Variants in PCDHA3 observed in about 807,000 individuals in gnomAD.
The protein encoded by PCDHA3 is protocadherin alpha 3, also known as protocadherin alpha-3.
In PCDHA3, 41 loss-of-function variants were observed where a neutral mutation model predicts 62.2. That is an observed-to-expected ratio of 0.66 (90% CI 0.51 to 0.86). PCDHA3 has a LOEUF of 0.86. Ranked by LOEUF, PCDHA3 falls within the 40% of genes least tolerant of loss-of-function variation. PCDHA3 has a pLI of 0.00. For synonymous variants in PCDHA3, 640 were observed against 555.4 expected (o/e 1.15, Z -2.14); for missense variants, 1,304 against 1,241.2 (o/e 1.05, Z -0.76).
At chr5:140,897,803 C>A (rs1285512803) in intron 1 of PCDHA3, among the ~76,000 whole-genome samples, 2 of 152,130 alleles carry the variant, frequency 1.3e-5, no homozygotes, top group Non-Finnish European at 2.9e-5. Flanking sequence ...AGAGTCCCAC[C>A]AACAGTGTAA....
chr5:140,850,629 G>C, intron 1 of PCDHA3: 1 of 1,598,736 alleles, frequency 6.3e-7, no homozygotes, highest in South Asian at 1.1e-5. Flanking sequence ...TAGCCTGTTG[G>C]TTCTCACGCT....
chr5:140,870,590 G>T, intron 1 of PCDHA3: 2 of 1,613,564 alleles, frequency 1.2e-6, no homozygotes, highest in Non-Finnish European at 1.7e-6. Flanking sequence ...CTGGTGGAGC[G>T]GCGGTTGGGC....
Position 140,965,232 on chromosome 5 carries a change from G to T in PCDHA3, c.2395-13717G>T, listed in dbSNP as rs192008157. ...TCCTGTGGAAGAAATGTGAGAACCT[G>T]GGAAGAGTGAATATTCAGAACTGAG... On this transcript the variant is annotated intron_variant, in intron 1 of 3. Coordinates refer to ENST00000522353, the MANE Select transcript of PCDHA3 (RefSeq NM_018906.3). Among the ~76,000 whole-genome samples, 4 of 152,312 alleles carry T rather than the reference G, an allele frequency of 2.6e-5. No individual in the cohort carries two copies. In the East Asian group the frequency reaches 7.7e-4, roughly 29 times the overall value.
intron 1 of PCDHA3, chr5:140,967,193 G>A (rs1190093681): frequency 6.2e-7 from 1 of 1,613,392 alleles, no homozygotes; most frequent in Non-Finnish European, 8.5e-7. Flanking sequence ...GGACATCAAC[G>A]ACAACTCACC....
chr5:140,815,206 C>T (rs141510646), intron 1 of PCDHA3: 2 of 152,170 alleles, frequency 1.3e-5, no homozygotes, highest in East Asian at 3.9e-4. Context: ...ATTGATAGGG[C>T]ATAACTTACT....
At chr5:140,822,867 C>T in intron 1 of PCDHA3, 2 of 1,614,242 alleles carry the variant, frequency 1.2e-6, no homozygotes, top group East Asian at 2.2e-5. Flanking sequence ...ACGCTCCACT[C>T]AGCACGGTCA....
chr5:140,839,391 TG>T (rs1776205247), intron 1 of PCDHA3, among the ~76,000 whole-genome samples: 1 of 151,714 alleles, frequency 6.6e-6, no homozygotes, highest in African/African-American at 2.4e-5. Flanking sequence ...ATGATGATGA[TG>T]ATGATTATTA....
intron 1 of PCDHA3, chr5:140,861,441 C>A: frequency 2.0e-6 from 1 of 493,506 alleles, no homozygotes; most frequent in Non-Finnish European, 4.2e-6. Context: ...TTCCAAAAGC[C>A]GCAGAAACCT....
At chr5:140,946,374 CGGTT>C (rs1308149019) in intron 1 of PCDHA3, among the ~76,000 whole-genome samples, 6 of 151,656 alleles carry the variant, frequency 4.0e-5, no homozygotes, top group Non-Finnish European at 5.9e-5. Flanking sequence ...CTCTTGCACA[CGGTT>C]GGTAGGAATG....
intron 1 of PCDHA3, chr5:140,829,566 A>G (rs1554132093): frequency 1.9e-6 from 3 of 1,612,588 alleles, no homozygotes; most frequent in Non-Finnish European, 2.5e-6. Flanking sequence ...CTGGTGTCCT[A>G]CTCGCTGGTG....
At chr5:140,836,327 G>C in intron 1 of PCDHA3, 1 of 1,613,772 alleles carries the variant, frequency 6.2e-7, no homozygotes, top group Non-Finnish European at 8.5e-7. Flanking sequence ...ACCGCCTTCT[G>C]GTGCTTGTGA....
intron 1 of PCDHA3, among the ~76,000 whole-genome samples, chr5:140,960,851 T>C (rs782540669): frequency 5.3e-5 from 8 of 152,210 alleles, no homozygotes; most frequent in Non-Finnish European, 7.3e-5. Context: ...TAATGGCAAC[T>C]ATAAGCCAGA....
At chr5:140,807,362 C>T (rs145024223) in intron 1 of PCDHA3, 3 of 1,609,962 alleles carry the variant, frequency 1.9e-6, no homozygotes, top group Non-Finnish European at 2.5e-6. Context: ...GCTGGCGGAG[C>T]TGGTGCCGCG....
At chr5:140,940,028 G>T (rs782276273) in intron 1 of PCDHA3, among the ~76,000 whole-genome samples, 1 of 152,048 alleles carries the variant, frequency 6.6e-6, no homozygotes, top group African/African-American at 2.4e-5. Context: ...ATGTTTTAAG[G>T]CTATTTTATT....
chr5:140,985,899 C>T (rs1303947192), intron 3 of PCDHA3, among the ~76,000 whole-genome samples: 2 of 152,020 alleles, frequency 1.3e-5, no homozygotes, highest in African/African-American at 4.8e-5. Flanking sequence ...GCCACCACTC[C>T]CGTCTAATTT....
Position 140,801,196 on chromosome 5 carries a change from C to G in PCDHA3, c.-2C>G, listed in dbSNP as rs782169201. ...CAATCTAATATTTGGAAAATACTTG[C>G]AATGTTGTTCTCCTGGCGAGAAGAT... On this transcript the variant is annotated 5_prime_UTR_variant, in exon 1 of 4. Transcript: ENST00000522353. 6.3e-7 allele frequency: 1 copy of G among 1,589,684 alleles called. No homozygotes were observed. The highest frequency in any genetic ancestry group is 1.1e-5 in the South Asian group (1 of 87,988).
intron 1 of PCDHA3, chr5:140,870,947 G>T: frequency 1.2e-6 from 2 of 1,613,700 alleles, no homozygotes; most frequent in Non-Finnish European, 1.7e-6. Context: ...CCGGCGGCGG[G>T]CGGCTCGCGC....
intron 3 of PCDHA3, among the ~76,000 whole-genome samples, chr5:140,984,053 TC>T (rs2097083610): frequency 6.6e-6 from 1 of 152,154 alleles, no homozygotes; most frequent in Non-Finnish European, 1.5e-5. Flanking sequence ...CATTGACAAA[TC>T]TGTACCCTCA....
intron 1 of PCDHA3, chr5:140,877,422 G>T (rs781813282): frequency 6.2e-7 from 1 of 1,613,902 alleles, no homozygotes; most frequent in Non-Finnish European, 8.5e-7. Flanking sequence ...TGCTGGTGCT[G>T]GTGAAGGACC....
Sources: gnomAD v4.1 joint callset for allele counts (sites outside exome capture counted in the v4.1 genomes callset) on GRCh38, gnomAD v4.1.1 for gene constraint, MANE v1.5 for transcripts, NCBI Gene and HGNC (gene_info 2026-07-23, HGNC 2026-07-21) for gene names.